PKD1L1: variants seen among roughly 807,000 people sequenced by gnomAD.
PKD1L1 encodes polycystin-1-like protein 1.
PKD1L1 carries 236 observed loss-of-function variants against 323.4 expected under a neutral mutation model. The ratio of observed to expected loss-of-function variants is 0.73; its 90% CI spans 0.66 to 0.81. The LOEUF (loss-of-function observed/expected upper bound fraction) is 0.81. Among genes scored for constraint, PKD1L1 ranks in the 40% least tolerant of loss-of-function variants. The pLI is 0.00. For missense variants in PKD1L1, 3,320 were observed against 3,508.0 expected, an observed-to-expected ratio of 0.95 and a Z score of 1.35; for synonymous variants, 1,344 against 1,335.0, an observed-to-expected ratio of 1.01 and a Z score of -0.15.
intron 53 of PKD1L1, among the ~76,000 whole-genome samples, chr7:47,802,743 C>T (rs1026741299): frequency 3.3e-5 from 5 of 152,228 alleles, no homozygotes; most frequent in African/African-American, 1.2e-4. Flanking sequence ...CGGAGCTTCA[C>T]CCTCCAGACC....
intron 36 of PKD1L1, among the ~76,000 whole-genome samples, chr7:47,837,817 A>G (rs1785489292): frequency 6.6e-6 from 1 of 152,218 alleles, no homozygotes; most frequent in South Asian, 2.1e-4. Flanking sequence ...TAGAAAAAAC[A>G]AAAGTATATA....
At chr7:47,798,628 G>A (rs1409782635) in intron 54 of PKD1L1, among the ~76,000 whole-genome samples, 3 of 151,830 alleles carry the variant, frequency 2.0e-5, no homozygotes, top group African/African-American at 4.8e-5. Flanking sequence ...GGTGGCACAC[G>A]CCTGTAATCC....
rs772601974 is a variant in PKD1L1, at chr7:47,775,183, A to G, written c.8527-17T>C. The stretch of plus-strand genomic sequence containing the variant: ...GTCTGCTGGCTAAAAAGAAAAAATG[A>G]AAAACATACTGAAACAACACCCCTC... On this transcript the variant is annotated splice_polypyrimidine_tract_variant and intron_variant, in intron 56 of 56. Transcript: ENST00000289672. The G allele has an allele frequency of 1.2e-6, 2 of 1,614,038 alleles. No individual in the cohort carries two copies. Among genetic ancestry groups the G allele is most frequent in the Admixed American group, 3.3e-5 (2 of 60,010 alleles).
chr7:47,803,342 C>T lies in PKD1L1; in HGVS notation c.7830G>A (p.Arg2610=). 6.2e-7 allele frequency: 1 copy of T among 1,613,648 alleles called. No homozygotes were observed. The highest frequency in any genetic ancestry group is 1.3e-5 in the African/African-American group (1 of 74,990). Residue 2610 remains arginine (R), a splice_region_variant and synonymous_variant, in exon 53 of 57, where the codon AGG becomes AGA. Coordinates refer to ENST00000289672, the MANE Select transcript of PKD1L1 (RefSeq NM_138295.5). ...AGAGGATTCCCCGGAGCCATCGAGC[C>T]CTCTGAGACAGAAGAACATAACAGT... ...DLTLMASWNQ[R]ARWLRGILLF...
At chr7:47,802,430 C>A (rs527857910) in intron 53 of PKD1L1, among the ~76,000 whole-genome samples, 2 of 152,128 alleles carry the variant, frequency 1.3e-5, no homozygotes, top group Non-Finnish European at 2.9e-5. Flanking sequence ...CTCTCAGGTT[C>A]GTTCTCTCTG....
chr7:47,813,868 A>C (rs112886218), intron 48 of PKD1L1, 63 bp downstream of exon 48: 2 of 1,399,158 alleles, frequency 1.4e-6, no homozygotes, highest in Admixed American at 3.4e-5. Flanking sequence ...TCCTGCCCCA[A>C]TGTTGCCTAG....
Position 47,813,153 on chromosome 7 carries a change from C to T in PKD1L1, c.7314G>A (p.Arg2438=), listed in dbSNP as rs1455888716. 3 of 1,613,958 alleles carry T rather than the reference C, an allele frequency of 1.9e-6. No individual in the cohort carries two copies. Among genetic ancestry groups the T allele is most frequent in the Non-Finnish European group, 2.5e-6 (3 of 1,180,030 alleles). The stretch of plus-strand genomic sequence containing the variant: ...TGCCCAGGCTGAGCACACAGTCCTC[C>T]CTTGTCCCACAGCCCCCAGGACCAT... ...TLNGPGGCGT[R]EDCVLSLGRT... The change falls in exon 49 of 57, where the codon AGG becomes AGA. Residue 2438 remains arginine (R), a synonymous_variant. Coordinates refer to ENST00000289672, the MANE Select transcript of PKD1L1 (RefSeq NM_138295.5).
In PKD1L1 at chr7:47,803,254, A is replaced by C; in HGVS notation, c.7918T>G (p.Ser2640Ala). 3.1e-6 allele frequency: 5 copies of C among 1,614,096 alleles called. No individual in the cohort carries two copies. Among genetic ancestry groups the C allele is most frequent in the Non-Finnish European group, 4.2e-6 (5 of 1,180,024 alleles). ...PGIQNTMASC[S>A]SMMRHSLPSI... is the part of the protein sequence containing the mutation. ...GGGAGTGAGTGGCGCATCATGGAGG[A>C]GCAGGATGCCATTGTGTTTTGAATG... is the stretch of plus-strand genomic sequence containing the variant. The change falls in exon 53 of 57, where the codon TCC becomes GCC. Residue 2640 changes from serine (S) to alanine (A), a missense_variant. Transcript: ENST00000289672.
At chr7:47,884,223 G>A (rs1261415818) in intron 19 of PKD1L1, among the ~76,000 whole-genome samples, 5 of 152,136 alleles carry the variant, frequency 3.3e-5, no homozygotes, top group African/African-American at 1.2e-4. Flanking sequence ...CAAGCCTGAG[G>A]AAGACTTCCC....
Position 47,877,549 on chromosome 7 carries a change from C to G in PKD1L1, c.3603G>C (p.Gln1201His). Residue 1201 changes from glutamine (Q) to histidine (H), a missense_variant, in exon 22 of 57, where the codon CAG becomes CAC. Coordinates refer to ENST00000289672, the MANE Select transcript of PKD1L1 (RefSeq NM_138295.5). ...TGTGTGCTTCCAGACCATGGTGGGG[C>G]TGCACCTGACAGGCCATGTCCCGAG... ...PAPRDMACQV[Q>H]PHHGLEAHTV... is the part of the protein sequence containing the mutation. The G allele has an allele frequency of 6.2e-7, 1 of 1,614,074 alleles. No homozygotes were observed. The highest frequency in any genetic ancestry group is 8.5e-7 in the Non-Finnish European group (1 of 1,179,968).
chr7:47,821,224 C>T, intron 45 of PKD1L1, 38 bp from the exon 46 acceptor site: 8 of 1,278,934 alleles, frequency 6.3e-6, no homozygotes, highest in Non-Finnish European at 9.1e-6. Flanking sequence ...CCATACAGAC[C>T]CTGTATGTAG....
chr7:47,776,183 A>C (rs1233250308), intron 56 of PKD1L1, among the ~76,000 whole-genome samples: 2 of 152,246 alleles, frequency 1.3e-5, no homozygotes, highest in East Asian at 3.8e-4. Context: ...ATAGTTAAAA[A>C]GTTTCTAATA....
chr7:47,831,213 TCA>T lies in PKD1L1; in HGVS notation c.6473+2_6473+3del, dbSNP rs528302390. 1,387 of 1,611,292 alleles carry T rather than the reference TCA, an allele frequency of 8.6e-4. No individual in the cohort carries two copies. Among genetic ancestry groups the T allele is most frequent in the Non-Finnish European group, 1.1e-3 (1,287 of 1,179,072 alleles). On this transcript the variant is annotated splice_donor_variant and splice_donor_region_variant and intron_variant, in intron 42 of 56. Transcript: ENST00000289672. LOFTEE classifies it high-confidence loss of function. ...GAGGATGTTTGAAAAACTCTACAGC[TCA>T]CCTGTAGGCTAGAAATCCTGTCCCC... is the stretch of plus-strand genomic sequence containing the variant.
intron 19 of PKD1L1, 129 bp downstream of exon 19, chr7:47,884,469 C>T: frequency 1.2e-6 from 1 of 826,746 alleles, no homozygotes; most frequent in Non-Finnish European, 2.0e-6. Context: ...TGTAAGAGTT[C>T]AACTTTTCCC....
At chr7:47,887,100 G>A (rs1786702001) in intron 17 of PKD1L1, among the ~76,000 whole-genome samples, 1 of 152,222 alleles carries the variant, frequency 6.6e-6, no homozygotes, top group African/African-American at 2.4e-5. Context: ...CTCTGATTCA[G>A]AAAAGTTAAA....
chr7:47,834,353 G>A lies in PKD1L1; in HGVS notation c.6160C>T (p.Gln2054Ter). 2 of 1,614,002 alleles carry A rather than the reference G, an allele frequency of 1.2e-6. No homozygotes were observed. Among genetic ancestry groups the A allele is most frequent in the Non-Finnish European group, 1.7e-6 (2 of 1,179,880 alleles). ...PNSWGRIPDA[Q>*]EPRKQPASAI... The stretch of plus-strand genomic sequence containing the variant: ...GATTGATTTACCTTGCGTGGCTCCT[G>A]TGCGTCTGGTATCCTTCCCCAGGAA... The change falls in exon 40 of 57, where the codon CAG (glutamine) becomes TAG (stop). Residue 2054 changes from glutamine (Q) to a stop codon, truncating the protein, a stop_gained. Transcript: ENST00000289672. LOFTEE classifies it high-confidence loss of function.
intron 56 of PKD1L1, among the ~76,000 whole-genome samples, chr7:47,778,106 C>T (rs1173951391): frequency 6.6e-6 from 1 of 152,108 alleles, no homozygotes; most frequent in Non-Finnish European, 1.5e-5. Flanking sequence ...AGAGGAGACA[C>T]AAGAAGTACA....
At chr7:47,942,774 T>C (rs1788014545) in intron 2 of PKD1L1, among the ~76,000 whole-genome samples, 2 of 152,258 alleles carry the variant, frequency 1.3e-5, no homozygotes, top group East Asian at 1.9e-4. Context: ...GTTCTCGAAG[T>C]GTGGCCCCCA....
At chr7:47,857,248 C>T (rs1198165002) in intron 28 of PKD1L1, among the ~76,000 whole-genome samples, 1 of 152,208 alleles carries the variant, frequency 6.6e-6, no homozygotes, top group Admixed American at 6.5e-5. Context: ...CTTCATCGTT[C>T]TAAAGACACG....
Sources: allele counts gnomAD v4.1 joint callset (sites outside exome capture counted in the v4.1 genomes callset), GRCh38; gene constraint gnomAD v4.1.1; transcripts MANE v1.5; gene names NCBI Gene and HGNC (gene_info 2026-07-23, HGNC 2026-07-21).